The following NRXN3 variants were observed in gnomAD, a reference collection of about 807,000 sequenced individuals.
NRXN3 encodes neurexin III.
NRXN3 carries 32 observed loss-of-function variants against 137.6 expected under a neutral mutation model. The ratio of observed to expected loss-of-function variants is 0.23; its 90% CI spans 0.18 to 0.31. The LOEUF (loss-of-function observed/expected upper bound fraction) is 0.31, where lower values mean the gene tolerates loss of function less well. NRXN3 is among the 10% of genes least tolerant of loss of function. The pLI, the probability that NRXN3 is intolerant of heterozygous loss-of-function variation, is 1.00. For missense variants in NRXN3, 1,574 were observed against 2,062.5 expected (o/e 0.76, Z 4.59); for synonymous variants, 798 against 784.5 (o/e 1.02, Z -0.29).
chr14:78,629,198 G>C (rs933978150), intron 4 of NRXN3, among the ~76,000 whole-genome samples: 1 of 152,130 alleles, frequency 6.6e-6, no homozygotes, highest in Non-Finnish European at 1.5e-5. Flanking sequence ...TACTGTTTAA[G>C]GTTATAGAAT....
chr14:78,725,272 T>A (rs989061503), intron 8 of NRXN3, among the ~76,000 whole-genome samples: 8 of 152,246 alleles, frequency 5.3e-5, no homozygotes, highest in Non-Finnish European at 8.8e-5. Context: ...TGGGGCCACA[T>A]ACTGACATCA....
chr14:79,194,037 TAAC>T (rs2064795390), intron 15 of NRXN3, among the ~76,000 whole-genome samples: 1 of 152,226 alleles, frequency 6.6e-6, no homozygotes, highest in Non-Finnish European at 1.5e-5. Context: ...ACTTAGACTA[TAAC>T]AACATTTTTA....
chr14:78,531,788 T>G (rs759791434), intron 4 of NRXN3, among the ~76,000 whole-genome samples: 1 of 152,168 alleles, frequency 6.6e-6, no homozygotes, highest in Non-Finnish European at 1.5e-5. Context: ...CTTTTTGTCC[T>G]TAGGGAAACT....
chr14:79,182,772 A>G (rs557307245), intron 15 of NRXN3, among the ~76,000 whole-genome samples: 6 of 152,344 alleles, frequency 3.9e-5, no homozygotes, highest in Admixed American at 2.6e-4. Flanking sequence ...TAAGACAGGC[A>G]TTAAACAAGT....
Position 78,748,031 on chromosome 14 carries a change from G to A in NRXN3, c.2044+32892G>A, listed in dbSNP as rs936757344. On this transcript the variant is annotated intron_variant, in intron 8 of 20. Coordinates refer to ENST00000335750, the MANE Select transcript of NRXN3 (RefSeq NM_001330195.2). ...ATGCTTAGGTCAGCAATCCTTTTGG[G>A]AAGATACACATGAGGGGTATTATGT... is the stretch of plus-strand genomic sequence containing the variant. Among the ~76,000 whole-genome samples, 4 of 152,256 alleles carry A rather than the reference G, an allele frequency of 2.6e-5. No individual in the cohort carries two copies. In the South Asian group the frequency reaches 6.2e-4, roughly 24 times the overall value.
At chr14:79,435,021 T>A (rs1005551677) in intron 15 of NRXN3, among the ~76,000 whole-genome samples, 2 of 152,118 alleles carry the variant, frequency 1.3e-5, no homozygotes, top group Non-Finnish European at 2.9e-5. Context: ...CACCCTAATC[T>A]TGAAGGCTGA....
At chr14:79,520,145 T>C (rs1006986912) in intron 16 of NRXN3, among the ~76,000 whole-genome samples, 1 of 152,128 alleles carries the variant, frequency 6.6e-6, no homozygotes. Context: ...AACAAAAAGG[T>C]CTTTTCTCAA....
chr14:78,894,268 G>C (rs1038326189), intron 10 of NRXN3, among the ~76,000 whole-genome samples: 5 of 151,918 alleles, frequency 3.3e-5, no homozygotes, highest in Non-Finnish European at 2.9e-5. Flanking sequence ...CTCAAAACTT[G>C]CAGGTGCTTT....
At position 79,199,817 on chromosome 14, in the gene NRXN3, T is replaced by A. The variant is rs182846874; in HGVS notation, c.3262+211676T>A. ...TATTCCAGACATGTGAGAATATAAA[T>A]TTGGTTCAAGTAGAAAGGTTTCAAA... On this transcript the variant is annotated intron_variant, in intron 15 of 20. Coordinates refer to ENST00000335750, the MANE Select transcript of NRXN3 (RefSeq NM_001330195.2). 2.0e-4 allele frequency among the ~76,000 whole-genome samples: 30 copies of A among 152,248 alleles called. No individual in the cohort carries two copies. In the East Asian group the frequency reaches 5.2e-3, roughly 27 times the overall value.
intron 4 of NRXN3, among the ~76,000 whole-genome samples, chr14:78,449,263 A>G (rs938831421): frequency 6.6e-6 from 1 of 152,152 alleles, no homozygotes; most frequent in African/African-American, 2.4e-5. Context: ...CCTAGGTAGG[A>G]ATATCGTGGC....
intron 8 of NRXN3, among the ~76,000 whole-genome samples, chr14:78,731,491 G>C (rs11159380): frequency 0.99 from 149,831 of 151,948 alleles, 73,890 homozygotes; most frequent in Middle Eastern, 1. Flanking sequence ...TCTACAAAAC[G>C]CATTTCATGA....
intron 16 of NRXN3, among the ~76,000 whole-genome samples, chr14:79,610,396 A>G (rs2098084149): frequency 6.6e-6 from 1 of 152,140 alleles, no homozygotes; most frequent in African/African-American, 2.4e-5. Flanking sequence ...AGTATTTAAC[A>G]GTTTTCATGT....
intron 8 of NRXN3, among the ~76,000 whole-genome samples, chr14:78,721,008 C>A (rs2098457270): frequency 6.6e-6 from 1 of 152,180 alleles, no homozygotes; most frequent in Non-Finnish European, 1.5e-5. Flanking sequence ...TCCACGAGCT[C>A]ACAGCACAGC....
chr14:78,294,674 G>A lies in NRXN3; in HGVS notation c.728-3157G>A, dbSNP rs114020318. Among the ~76,000 whole-genome samples, 1,085 of 151,982 alleles carry A rather than the reference G, an allele frequency of 7.1e-3. 10 individuals carry two copies. Among genetic ancestry groups the A allele is most frequent in the African/African-American group, 0.025 (1,051 of 41,416 alleles). ...TATTATTAGTCAAATTTTATGATAG[G>A]AAAATCAAGGCAAAGAAATGTTTAA... On this transcript the variant is annotated intron_variant, in intron 3 of 20. Coordinates refer to ENST00000335750, the MANE Select transcript of NRXN3 (RefSeq NM_001330195.2).
chr14:78,537,073 G>A (rs1188682955), intron 4 of NRXN3, among the ~76,000 whole-genome samples: 1 of 152,126 alleles, frequency 6.6e-6, no homozygotes. Context: ...ACATACATGT[G>A]CATATGTCTT....
At chr14:79,384,946 GTTAA>G (rs963243614) in intron 15 of NRXN3, among the ~76,000 whole-genome samples, 1 of 152,128 alleles carries the variant, frequency 6.6e-6, no homozygotes, top group African/African-American at 2.4e-5. Flanking sequence ...TCTTGCTACT[GTTAA>G]TTAGTTAGTG....
intron 16 of NRXN3, among the ~76,000 whole-genome samples, chr14:79,633,509 C>T (rs1407256608): frequency 1.3e-5 from 2 of 152,230 alleles, no homozygotes; most frequent in Non-Finnish European, 2.9e-5. Flanking sequence ...CTCATTGATG[C>T]ATCCTCTGTA....
chr14:79,042,728 G>A lies in NRXN3; in HGVS notation c.3262+54587G>A, dbSNP rs114641982. On this transcript the variant is annotated intron_variant, in intron 15 of 20. Coordinates refer to ENST00000335750, the MANE Select transcript of NRXN3 (RefSeq NM_001330195.2). ...TGAAAATTAGAATAGGAAAGGTATG[G>A]CAAGTGTGTATTTGTGATGGGAGTA... 2.4e-3 allele frequency among the ~76,000 whole-genome samples: 365 copies of A among 152,250 alleles called. 2 individuals carry two copies. Among genetic ancestry groups the A allele is most frequent in the African/African-American group, 7.9e-3 (330 of 41,538 alleles).
chr14:78,386,830 G>A (rs1203834563), intron 4 of NRXN3, among the ~76,000 whole-genome samples: 2 of 151,814 alleles, frequency 1.3e-5, no homozygotes, highest in Non-Finnish European at 2.9e-5. Context: ...GCCCAGGCTG[G>A]AGTGCAGCGG....
Sources: gnomAD v4.1 joint callset for allele counts (sites outside exome capture counted in the v4.1 genomes callset) on GRCh38, gnomAD v4.1.1 for gene constraint, MANE v1.5 for transcripts, NCBI Gene and HGNC (gene_info 2026-07-23, HGNC 2026-07-21) for gene names.